ANKRD11: variants seen among roughly 807,000 people sequenced by gnomAD.
ANKRD11 encodes ankyrin repeat domain-containing protein 11.
ANKRD11 carries 17 observed loss-of-function variants against 195.7 expected under a neutral mutation model. The ratio of observed to expected loss-of-function variants is 0.09; its 90% CI spans 0.06 to 0.13. The LOEUF is 0.13. Ranked by LOEUF, ANKRD11 falls within the 10% of genes least tolerant of loss-of-function variation. The pLI, the probability that ANKRD11 is intolerant of heterozygous loss-of-function variation, is 1.00. For missense variants in ANKRD11, 3,735 were observed against 3,566.1 expected, an observed-to-expected ratio of 1.05 and a Z score of -1.21; for synonymous variants, 1,953 against 1,528.1, an observed-to-expected ratio of 1.28 and a Z score of -6.49.
intron 1 of ANKRD11, among the ~76,000 whole-genome samples, chr16:89,422,519 T>A (rs962958877): frequency 1.3e-5 from 2 of 152,172 alleles, no homozygotes; most frequent in African/African-American, 4.8e-5. Flanking sequence ...TATGGGTCAG[T>A]AATAAACACA....
Position 89,456,886 on chromosome 16 carries a change from T to A in ANKRD11, c.-145+33359A>T, listed in dbSNP as rs367591635. 2.6e-5 allele frequency among the ~76,000 whole-genome samples: 4 copies of A among 151,970 alleles called. No homozygotes were observed. In the South Asian group the frequency reaches 8.3e-4, roughly 32 times the overall value. ...TAATGGTGCTAGTTGCACAAAGTTG[T>A]AAATGTGCTACAGGCCATGGAATTG... On this transcript the variant is annotated intron_variant, in intron 1 of 12. Coordinates refer to ENST00000301030, the MANE Select transcript of ANKRD11 (RefSeq NM_013275.6).
At chr16:89,270,414 G>A (rs772103227) in intron 12 of ANKRD11, 6 of 303,250 alleles carry the variant, frequency 2.0e-5, no homozygotes, top group East Asian at 8.4e-5. Flanking sequence ...CCTCGCGACC[G>A]GGATAAGGGT....
rs146389201 is a variant in ANKRD11 at position 89,269,642 on chromosome 16, T to A, written c.7807-979A>T. Among the ~76,000 whole-genome samples, 66 of 152,072 alleles carry A rather than the reference T, an allele frequency of 4.3e-4. 1 individual carries two copies. The highest frequency in any genetic ancestry group is 1.4e-3 in the African/African-American group (57 of 41,452). On this transcript the variant is annotated intron_variant, in intron 12 of 12. Transcript: ENST00000301030. ...CCCTAAGGTTTTTTTTTAAATTTTGTCCCCAGGCTGGAGTGCAGTGGTGCA... is the reference window on the plus strand; with the variant it reads ...CCCTAAGGTTTTTTTTTAAATTTTGACCCCAGGCTGGAGTGCAGTGGTGCA...
chr16:89,467,633 G>C (rs891616775), intron 1 of ANKRD11, among the ~76,000 whole-genome samples: 2 of 151,974 alleles, frequency 1.3e-5, no homozygotes, highest in African/African-American at 4.8e-5. Context: ...TCAAAGTGCT[G>C]AGACTACAGG....
At chr16:89,292,361 C>T (rs565715803) in intron 4 of ANKRD11, among the ~76,000 whole-genome samples, 9 of 152,308 alleles carry the variant, frequency 5.9e-5, no homozygotes, top group Admixed American at 2.6e-4. Flanking sequence ...GAACACAGAA[C>T]GGTCTTAACT....
At position 89,281,658 on chromosome 16, in the gene ANKRD11, G is replaced by A. The variant is rs144721281; in HGVS notation, c.4884C>T (p.Asp1628=). 1.3e-4 allele frequency: 212 copies of A among 1,614,140 alleles called. 1 individual carries two copies. In the African/African-American group the frequency reaches 2.6e-3, roughly 19 times the overall value. The change falls in exon 9 of 13, where the codon GAC becomes GAT. Residue 1628 remains aspartate (D), a synonymous_variant. Transcript: ENST00000301030. The surrounding 1 kb of genome is among the most constrained non-coding windows in gnomAD (Gnocchi z 5.5). Reference sequence around the variant, plus strand: ...TGTCCAGACCCTTCTTCCGCCCGTCGTCTGCCGGCTTCGCCTTCTCCTTGA... The same window carrying A: ...TGTCCAGACCCTTCTTCCGCCCGTCATCTGCCGGCTTCGCCTTCTCCTTGA... ...PKLKEKAKPA[D]DGRKKGLDIP...
At chr16:89,393,546 G>T (rs539825487) in intron 2 of ANKRD11, among the ~76,000 whole-genome samples, 1 of 127,630 alleles carries the variant, frequency 7.8e-6, no homozygotes, top group African/African-American at 3.0e-5. Context: ...TCACCATGTT[G>T]CCCAGGCTGG....
chr16:89,340,393 G>A (rs1361526874), intron 2 of ANKRD11, among the ~76,000 whole-genome samples: 1 of 152,188 alleles, frequency 6.6e-6, no homozygotes, highest in Non-Finnish European at 1.5e-5. Context: ...TTCTCCTGCA[G>A]CCCCCTGAGT....
In ANKRD11 at chr16:89,282,855, C is replaced by A. The variant is rs374974445; in HGVS notation, c.3687G>T (p.Thr1229=). ...DRKDRASVDS[T]QDKKNKQKLP... is the part of the protein sequence containing the mutation. ...GCTTCTGTTTATTTTTCTTATCTTGCGTGGAGTCCACTGAGGCTCTGTCCT... is the reference window on the plus strand; with the variant it reads ...GCTTCTGTTTATTTTTCTTATCTTGAGTGGAGTCCACTGAGGCTCTGTCCT... Residue 1229 remains threonine, a synonymous_variant, in exon 9 of 13, where the codon ACG becomes ACT. Coordinates refer to ENST00000301030, the MANE Select transcript of ANKRD11 (RefSeq NM_013275.6). 8 of 1,612,278 alleles carry A rather than the reference C, an allele frequency of 5.0e-6. No individual in the cohort carries two copies. In the African/African-American group the frequency reaches 8.0e-5, roughly 16 times the overall value.
chr16:89,490,528 T>C lies in ANKRD11; in HGVS notation c.-428A>G, dbSNP rs2057794465. ...GGCGGCGCCTCCCCGGCTGGGGCCC[T>C]CGGTCCATCGCGCACCGTCTCAGGG... On this transcript the variant is annotated 5_prime_UTR_variant, in exon 1 of 13. Transcript: ENST00000301030. 1 of 470,018 alleles carries C rather than the reference T, an allele frequency of 2.1e-6. No individual in the cohort carries two copies. Among genetic ancestry groups the C allele is most frequent in the South Asian group, 3.4e-5 (1 of 29,446 alleles). The allele number at this position is 470,018 out of a possible 1,614,324, so 29.1% of individuals were successfully genotyped here.
At chr16:89,438,943 G>A (rs1239570562) in intron 1 of ANKRD11, among the ~76,000 whole-genome samples, 1 of 151,408 alleles carries the variant, frequency 6.6e-6, no homozygotes, top group Non-Finnish European at 1.5e-5. Flanking sequence ...ATGAGTTCGT[G>A]ATCATACCAC....
chr16:89,436,779 CCT>C (rs1391103530), intron 1 of ANKRD11, among the ~76,000 whole-genome samples: 13 of 152,164 alleles, frequency 8.5e-5, no homozygotes, highest in Admixed American at 7.9e-4. Flanking sequence ...ATTCTAATCC[CCT>C]GAGGTAACTG....
At chr16:89,278,741 T>C in intron 9 of ANKRD11, 4 of 526,846 alleles carry the variant, frequency 7.6e-6, no homozygotes, top group Non-Finnish European at 1.1e-5. Flanking sequence ...GCCGTCCTGG[T>C]GGACGGGGAG....
chr16:89,383,358 A>G (rs1597223656), intron 2 of ANKRD11, among the ~76,000 whole-genome samples: 2 of 152,146 alleles, frequency 1.3e-5, no homozygotes, highest in East Asian at 3.8e-4. Flanking sequence ...CCCCATACCA[A>G]CGCTGACCTC....
At chr16:89,304,264 TTGCACACGGGCACACAGGCA>T (rs951056993) in intron 4 of ANKRD11, among the ~76,000 whole-genome samples, 2 of 151,904 alleles carry the variant, frequency 1.3e-5, no homozygotes, top group African/African-American at 4.8e-5. Context: ...ACACATGGGC[TTGCACACGGGCACACAGGCA>T]TGCACACATG....
At chr16:89,394,542 C>T (rs956386773) in intron 2 of ANKRD11, among the ~76,000 whole-genome samples, 7 of 151,898 alleles carry the variant, frequency 4.6e-5, no homozygotes, top group African/African-American at 1.2e-4. Context: ...GCAGGAGAAT[C>T]GCTTGAACCC....
In ANKRD11 at chr16:89,292,958, C is replaced by T. The variant is rs545794729; in HGVS notation, c.227-1775G>A. Among the ~76,000 whole-genome samples, 6 of 152,314 alleles carry T rather than the reference C, an allele frequency of 3.9e-5. No individual in the cohort carries two copies. In the East Asian group the frequency reaches 5.8e-4, roughly 15 times the overall value. ...CCTCTAAACAACAGAAGCAGGCCTG[C>T]GGCTGCCTCCCTCTAGGAAAGAGGC... is the stretch of plus-strand genomic sequence containing the variant. On this transcript the variant is annotated intron_variant, in intron 4 of 12. Coordinates refer to ENST00000301030, the MANE Select transcript of ANKRD11 (RefSeq NM_013275.6).
In ANKRD11 at chr16:89,288,512, AC is replaced by A; in HGVS notation, c.744+15del. 1.9e-6 allele frequency: 3 copies of A among 1,614,020 alleles called. No homozygotes were observed. Among genetic ancestry groups the A allele is most frequent in the Non-Finnish European group, 2.5e-6 (3 of 1,180,020 alleles). On this transcript the variant is annotated intron_variant, in intron 7 of 12. Transcript: ENST00000301030. Reference sequence around the variant, plus strand: ...CCAGGACAGGCCGGATGTGTGAAGAACGGGGGGATGCCAACCTTGTAGTGCC... The same window carrying A: ...CCAGGACAGGCCGGATGTGTGAAGAAGGGGGGATGCCAACCTTGTAGTGCC...
At chr16:89,437,552 G>C (rs1478427705) in intron 1 of ANKRD11, among the ~76,000 whole-genome samples, 1 of 152,052 alleles carries the variant, frequency 6.6e-6, no homozygotes, top group African/African-American at 2.4e-5. Flanking sequence ...CAGTCCTCCA[G>C]AGACAGTCCT....
Sources: gnomAD v4.1 joint callset for allele counts (sites outside exome capture counted in the v4.1 genomes callset) on GRCh38, gnomAD v4.1.1 for gene constraint, Gnocchi (gnomAD v3.1) non-coding constraint, MANE v1.5 for transcripts, NCBI Gene and HGNC (gene_info 2026-07-23, HGNC 2026-07-21) for gene names.